The following DDX31 variants were observed in gnomAD, a reference collection of about 807,000 sequenced individuals.
DDX31 encodes the protein ATP-dependent DNA helicase DDX31.
DDX31 carries 70 observed loss-of-function variants against 91.3 expected under a neutral mutation model. That is an observed-to-expected ratio of 0.77 (90% confidence interval 0.63 to 0.94). The LOEUF is 0.94. Among genes scored for constraint, DDX31 ranks in the 40% least tolerant of loss-of-function variants. DDX31 has a pLI of 0.00. For missense variants in DDX31, 902 were observed against 925.0 expected (o/e 0.98, Z 0.32); for synonymous variants, 362 against 350.6 (o/e 1.03, Z -0.36).
chr9:132,669,263 C>T (rs531888861), intron 1 of DDX31, among the ~76,000 whole-genome samples: 3 of 140,504 alleles, frequency 2.1e-5, no homozygotes, highest in Admixed American at 7.0e-5. Context: ...CCCGCCCCCC[C>T]CAAAGAACAG....
chr9:132,668,897 C>A (rs1373591866), intron 1 of DDX31, among the ~76,000 whole-genome samples: 2 of 152,200 alleles, frequency 1.3e-5, no homozygotes, highest in Non-Finnish European at 2.9e-5. Flanking sequence ...TCTAGAGAGG[C>A]ATGAGACATC....
chr9:132,618,454 CG>C lies in DDX31; in HGVS notation c.1714-14del. ...CAGCATGGGATTTCTGAGAGGGCGA[CG>C]GAAGGATTAAAGGAGAGATAGAGTC... is the stretch of plus-strand genomic sequence containing the variant. On this transcript the variant is annotated splice_polypyrimidine_tract_variant and intron_variant, in intron 17 of 19. Coordinates refer to ENST00000372159, the MANE Select transcript of DDX31 (RefSeq NM_022779.9). 1.9e-6 allele frequency: 3 copies of C among 1,601,948 alleles called. No homozygotes were observed. In the South Asian group the frequency reaches 3.4e-5, roughly 18 times the overall value.
At chr9:132,596,733 C>T (rs1247437172) in intron 19 of DDX31, among the ~76,000 whole-genome samples, 1 of 152,150 alleles carries the variant, frequency 6.6e-6, no homozygotes, top group Admixed American at 6.5e-5. Flanking sequence ...TCAGCGGGGG[C>T]AGGACTCAGC....
chr9:132,612,905 A>C (rs1262673306), intron 18 of DDX31, among the ~76,000 whole-genome samples: 1 of 152,050 alleles, frequency 6.6e-6, no homozygotes, highest in Non-Finnish European at 1.5e-5. Context: ...TACTCACTGG[A>C]CTTTTTAAAT....
At chr9:132,647,766 A>G (rs1247728468) in intron 11 of DDX31, among the ~76,000 whole-genome samples, 2 of 152,190 alleles carry the variant, frequency 1.3e-5, no homozygotes, top group African/African-American at 4.8e-5. Context: ...AAGACAGAGA[A>G]GCGCTTCATT....
At chr9:132,654,945 C>CAAAAA (rs140953433) in intron 6 of DDX31, among the ~76,000 whole-genome samples, 3 of 90,198 alleles carry the variant, frequency 3.3e-5, no homozygotes, top group Non-Finnish European at 4.4e-5. Context: ...GACTCTGTCT[C>CAAAAA]AAAAAAAAAA....
At chr9:132,598,451 G>A (rs1461825913) in intron 19 of DDX31, among the ~76,000 whole-genome samples, 3 of 152,122 alleles carry the variant, frequency 2.0e-5, no homozygotes, top group Admixed American at 1.3e-4. Context: ...TCTAACCACA[G>A]GGAACTCCCT....
chr9:132,623,551 C>CAAAAAAAAAAAAAAAAAAAAAAAA (rs34868804), intron 17 of DDX31, among the ~76,000 whole-genome samples: 1 of 66,762 alleles, frequency 1.5e-5, no homozygotes, highest in Non-Finnish European at 2.8e-5. Flanking sequence ...GACTCCATCT[C>CAAAAAAAAAAAAAAAAAAAAAAAA]AAAAAAAAAA....
At chr9:132,613,903 G>C (rs970384353) in intron 18 of DDX31, among the ~76,000 whole-genome samples, 13 of 152,176 alleles carry the variant, frequency 8.5e-5, no homozygotes, top group African/African-American at 3.1e-4. Flanking sequence ...CAACAAGGAA[G>C]GAGGGGGACA....
intron 13 of DDX31, among the ~76,000 whole-genome samples, chr9:132,642,859 T>G (rs1245941570): frequency 2.7e-5 from 4 of 148,664 alleles, no homozygotes; most frequent in East Asian, 3.9e-4. Flanking sequence ...TGAGACAGGG[T>G]CTCATTTTGT....
Position 132,642,047 on chromosome 9 carries a change from A to G in DDX31, c.1397T>C (p.Phe466Ser), listed in dbSNP as rs2130740138. The G allele has an allele frequency of 1.2e-6, 2 of 1,614,204 alleles. No homozygotes were observed. Among genetic ancestry groups the G allele is most frequent in the Non-Finnish European group, 1.7e-6 (2 of 1,180,024 alleles). ...GMEQEERTAV[F>S]QEFSHSRRGV... Reference sequence around the variant, plus strand: ...TCTTCTGGAATGTGAAAATTCCTGAAACACTGCTGTTCTTTCCTACAAAAA... The same window carrying G: ...TCTTCTGGAATGTGAAAATTCCTGAGACACTGCTGTTCTTTCCTACAAAAA... Residue 466 changes from phenylalanine (F) to serine (S), a missense_variant, in exon 14 of 20, where the codon TTT (phenylalanine) becomes TCT (serine). Physicochemically the swap from Phe to Ser is radical, Grantham distance 155. Coordinates refer to ENST00000372159, the MANE Select transcript of DDX31 (RefSeq NM_022779.9).
intron 17 of DDX31, among the ~76,000 whole-genome samples, chr9:132,620,249 C>T (rs1213654470): frequency 2.0e-5 from 3 of 151,954 alleles, no homozygotes; most frequent in Non-Finnish European, 2.9e-5. Context: ...TTAAAGACAG[C>T]CTGGTGCGAA....
chr9:132,628,794 A>C (rs927085578), intron 16 of DDX31, among the ~76,000 whole-genome samples: 11 of 152,248 alleles, frequency 7.2e-5, no homozygotes, highest in Non-Finnish European at 1.3e-4. Context: ...AGAGGAAAAG[A>C]AGTGTGAAGC....
At chr9:132,653,966 G>C (rs538314412) in intron 6 of DDX31, among the ~76,000 whole-genome samples, 1 of 152,162 alleles carries the variant, frequency 6.6e-6, no homozygotes, top group South Asian at 2.1e-4. Flanking sequence ...AGCAAATAAA[G>C]TTGAGAATAG....
At chr9:132,643,388 A>G (rs1033280596) in intron 13 of DDX31, among the ~76,000 whole-genome samples, 4 of 152,200 alleles carry the variant, frequency 2.6e-5, no homozygotes, top group African/African-American at 9.6e-5. Context: ...CAAAATCTGG[A>G]AAAAAGTAAA....
chr9:132,656,385 A>G (rs1247159400), intron 6 of DDX31, among the ~76,000 whole-genome samples: 1 of 152,244 alleles, frequency 6.6e-6, no homozygotes, highest in African/African-American at 2.4e-5. Flanking sequence ...AAAATATTGC[A>G]GCAAGTAAAA....
In DDX31 at chr9:132,595,850, C is replaced by T. The variant is rs372945161; in HGVS notation, c.1995-738G>A. Among the ~76,000 whole-genome samples, 13 of 152,228 alleles carry T rather than the reference C, an allele frequency of 8.5e-5. No homozygotes were observed. Among genetic ancestry groups the T allele is most frequent in the African/African-American group, 3.1e-4 (13 of 41,520 alleles). On this transcript the variant is annotated intron_variant, in intron 19 of 19. Transcript: ENST00000372159. This position sits in a 1 kb window ranked among gnomAD's most constrained non-coding sequence, Gnocchi z 4.6. ...AAGGTTGAAAATCAATTTCCGATGT[C>T]GAATCCTGATAACTGTTCTGAAAAG...
intron 7 of DDX31, among the ~76,000 whole-genome samples, chr9:132,651,427 G>A (rs752982145): frequency 2.9e-4 from 44 of 152,224 alleles, no homozygotes; most frequent in African/African-American, 1.0e-3. Flanking sequence ...GCACAAAAAC[G>A]TAAGAGAATG....
At chr9:132,637,780 A>C (rs1482028855) in intron 14 of DDX31, 14 of 980,836 alleles carry the variant, frequency 1.4e-5, no homozygotes, top group Non-Finnish European at 1.7e-5. Context: ...TAAACAGCAA[A>C]CAATCTCCAA....
Sources: gnomAD v4.1 joint callset for allele counts (sites outside exome capture counted in the v4.1 genomes callset) on GRCh38, gnomAD v4.1.1 for gene constraint, Gnocchi (gnomAD v3.1) non-coding constraint, MANE v1.5 for transcripts, NCBI Gene and HGNC (gene_info 2026-07-23, HGNC 2026-07-21) for gene names.